UGT1A10: variants seen among roughly 807,000 people sequenced by gnomAD.
UGT1A10 encodes UDP glucuronosyltransferase family 1 member A10.
Under a neutral mutation model 45.8 loss-of-function variants are expected in UGT1A10, and 49 were observed. That is an observed-to-expected ratio of 1.07 (90% CI 0.85 to 1.36). The LOEUF (loss-of-function observed/expected upper bound fraction) is 1.36. Among genes scored for constraint, UGT1A10 ranks in the 40% most tolerant of loss-of-function variants. The pLI is 0.00. For missense variants in UGT1A10, 745 were observed against 668.6 expected (o/e 1.11, Z -1.26); for synonymous variants, 284 against 249.7 (o/e 1.14, Z -1.29).
At chr2:233,734,824 TTGAG>T (rs1349043445) in intron 1 of UGT1A10, among the ~76,000 whole-genome samples, 2 of 152,248 alleles carry the variant, frequency 1.3e-5, no homozygotes, top group African/African-American at 4.8e-5. Flanking sequence ...TTGTGCGATT[TTGAG>T]TGAGTTTCTT....
At chr2:233,647,219 T>G (rs993677460) in intron 1 of UGT1A10, among the ~76,000 whole-genome samples, 2 of 152,198 alleles carry the variant, frequency 1.3e-5, no homozygotes, top group Admixed American at 1.3e-4. Flanking sequence ...CACGTGGAAA[T>G]TGTGGGAGTT....
chr2:233,743,180 G>A, intron 1 of UGT1A10: 1 of 369,298 alleles, frequency 2.7e-6, no homozygotes, highest in East Asian at 7.3e-5. Context: ...GTCAAATGTG[G>A]ACTGGAATTA....
At position 233,682,706 on chromosome 2, in the gene UGT1A10, T is replaced by G. The variant is rs200834770; in HGVS notation, c.855+45329T>G. 8.8e-5 allele frequency: 142 copies of G among 1,613,896 alleles called. No individual in the cohort carries two copies. The Middle Eastern group carries it at 1.2e-3, about 13-fold the overall frequency. On this transcript the variant is annotated intron_variant, in intron 1 of 4. Coordinates refer to ENST00000344644, the MANE Select transcript of UGT1A10 (RefSeq NM_019075.4). ...ATCAATTTGGTTGTTGCGAACTGAC[T>G]TTGTTTTGGAGTATCCCAAACCCGT...
At chr2:233,760,846 C>G (rs760019185) in intron 1 of UGT1A10, 2 of 1,613,970 alleles carry the variant, frequency 1.2e-6, no homozygotes, top group South Asian at 2.2e-5. Context: ...TACCCAGTGC[C>G]CCAACCCATT....
intron 1 of UGT1A10, among the ~76,000 whole-genome samples, chr2:233,748,531 T>G (rs1693967271): frequency 6.6e-6 from 1 of 151,738 alleles, no homozygotes; most frequent in African/African-American, 2.4e-5. Flanking sequence ...GATAGAGAGG[T>G]GACCACAGGA....
chr2:233,719,821 T>G (rs2076806401), intron 1 of UGT1A10: 5 of 1,570,050 alleles, frequency 3.2e-6, no homozygotes, highest in Middle Eastern at 4.6e-4. Flanking sequence ...ACAGATAAAC[T>G]GTTGAGGGGC....
chr2:233,706,288 G>GT (rs143392067), intron 1 of UGT1A10, among the ~76,000 whole-genome samples: 2,206 of 152,350 alleles, frequency 0.014, 39 homozygotes, highest in South Asian at 0.042. Flanking sequence ...GTGGGGCCCA[G>GT]TGCCAGGTAC....
intron 1 of UGT1A10, among the ~76,000 whole-genome samples, chr2:233,731,421 G>A (rs1039281599): frequency 6.6e-6 from 1 of 151,738 alleles, no homozygotes; most frequent in Non-Finnish European, 1.5e-5. Flanking sequence ...TTTTCCTAAT[G>A]CCATCCCTCC....
At chr2:233,672,297 T>C in intron 1 of UGT1A10, 2 of 1,613,948 alleles carry the variant, frequency 1.2e-6, no homozygotes, top group Non-Finnish European at 1.7e-6. Flanking sequence ...ACTTATTTTT[T>C]TCAAATTGCA....
rs146196081 is a variant in UGT1A10 at position 233,726,249 on chromosome 2, T to G, written c.856-40785T>G. ...TTTTTAAAACTCCAATATGAAAAGC[T>G]GGGTGCAGTGGCATGCGCCTATGGT... On this transcript the variant is annotated intron_variant, in intron 1 of 4. Transcript: ENST00000344644. Among the ~76,000 whole-genome samples, 3 of 152,316 alleles carry G rather than the reference T, an allele frequency of 2.0e-5. No individual in the cohort carries two copies. In the East Asian group the frequency reaches 5.8e-4, roughly 29 times the overall value.
rs370892808 is a variant in UGT1A10, at chr2:233,760,466, T to C, written c.856-6568T>C. The stretch of plus-strand genomic sequence containing the variant: ...CAGAGGGGACATGAAATAGTTGTCC[T>C]AGCACCTGACGCCTCGTTGTACATC... On this transcript the variant is annotated intron_variant, in intron 1 of 4. Transcript: ENST00000344644. The C allele has an allele frequency of 1.9e-6, 3 of 1,614,232 alleles. No homozygotes were observed. The highest frequency in any genetic ancestry group is 1.7e-6 in the Non-Finnish European group (2 of 1,180,032).
At chr2:233,689,119 C>G (rs1178609064) in intron 1 of UGT1A10, among the ~76,000 whole-genome samples, 1 of 152,204 alleles carries the variant, frequency 6.6e-6, no homozygotes, top group Admixed American at 6.5e-5. Flanking sequence ...GGAACCACAA[C>G]CCACATTGTT....
At chr2:233,649,171 T>A in intron 1 of UGT1A10, 1 of 445,166 alleles carries the variant, frequency 2.2e-6, no homozygotes, top group Non-Finnish European at 3.5e-6. Context: ...GCCATCCACG[T>A]GTTTGTTGGT....
chr2:233,640,637 A>G (rs1035520566), intron 1 of UGT1A10, among the ~76,000 whole-genome samples: 7 of 152,166 alleles, frequency 4.6e-5, no homozygotes, highest in African/African-American at 1.4e-4. Context: ...ATGGGAGAGA[A>G]CAGTCTCTTT....
At chr2:233,692,842 T>C in intron 1 of UGT1A10, 7 of 1,452,474 alleles carry the variant, frequency 4.8e-6, no homozygotes, top group Non-Finnish European at 6.3e-6. Flanking sequence ...AATGGTTAAA[T>C]ATTAATTTGG....
intron 1 of UGT1A10, chr2:233,691,386 T>C: frequency 1.0e-6 from 1 of 985,586 alleles, no homozygotes; most frequent in Non-Finnish European, 1.2e-6. Flanking sequence ...ATGTTCCCCA[T>C]GGGGGCCAGC....
intron 1 of UGT1A10, among the ~76,000 whole-genome samples, chr2:233,662,534 T>G (rs973429535): frequency 1.3e-5 from 2 of 152,238 alleles, no homozygotes; most frequent in Admixed American, 1.3e-4. Flanking sequence ...TGGAGGTTGT[T>G]GTAGAGTTTG....
intron 1 of UGT1A10, among the ~76,000 whole-genome samples, chr2:233,710,386 G>A (rs1450809479): frequency 2.0e-5 from 3 of 152,194 alleles, no homozygotes; most frequent in Non-Finnish European, 2.9e-5. Flanking sequence ...TAACAGCAAC[G>A]CATTAGAGTT....
At chr2:233,709,744 TAAAC>T (rs1311718504) in intron 1 of UGT1A10, among the ~76,000 whole-genome samples, 1 of 152,218 alleles carries the variant, frequency 6.6e-6, no homozygotes, top group Non-Finnish European at 1.5e-5. Context: ...ACTACTAAAA[TAAAC>T]ATTATTGGAG....
Sources: allele counts gnomAD v4.1 joint callset (sites outside exome capture counted in the v4.1 genomes callset), GRCh38; gene constraint gnomAD v4.1.1; transcripts MANE v1.5; gene names NCBI Gene and HGNC (gene_info 2026-07-23, HGNC 2026-07-21).